The following ADAMTS17 variants were observed in gnomAD, a reference collection of about 807,000 sequenced individuals.
The protein encoded by ADAMTS17 is ADAM metallopeptidase with thrombospondin type 1 motif 17.
Under a neutral mutation model 141.5 loss-of-function variants are expected in ADAMTS17, and 113 were observed. That is an observed-to-expected ratio of 0.80 (90% CI 0.69 to 0.93). ADAMTS17 has a LOEUF of 0.93. Ranked by LOEUF, ADAMTS17 falls within the 40% of genes least tolerant of loss-of-function variation. The pLI is 0.00. For synonymous variants in ADAMTS17, 768 were observed against 630.6 expected, an observed-to-expected ratio of 1.22 and a Z score of -3.27; for missense variants, 1,659 against 1,517.9, an observed-to-expected ratio of 1.09 and a Z score of -1.54.
intron 10 of ADAMTS17, among the ~76,000 whole-genome samples, chr15:100,145,990 C>T (rs1441700443): frequency 1.1e-4 from 16 of 152,126 alleles, no homozygotes; most frequent in African/African-American, 3.9e-4. Flanking sequence ...CTAGCCAACA[C>T]GGTGGAACCC....
At chr15:100,038,396 T>C (rs1393475544) in intron 18 of ADAMTS17, among the ~76,000 whole-genome samples, 1 of 152,244 alleles carries the variant, frequency 6.6e-6, no homozygotes, top group African/African-American at 2.4e-5. Flanking sequence ...TCCCCATTTG[T>C]GGAAGAAAGA....
chr15:100,282,065 A>G (rs2044303738), intron 3 of ADAMTS17, among the ~76,000 whole-genome samples: 2 of 152,142 alleles, frequency 1.3e-5, no homozygotes. Context: ...ATCCCTGTAA[A>G]ATCTTACTTT....
rs954199972 is a variant in ADAMTS17 at position 100,252,574 on chromosome 15, C to T, written c.1075+1562G>A. On this transcript the variant is annotated intron_variant, in intron 7 of 21. Coordinates refer to ENST00000268070, the MANE Select transcript of ADAMTS17 (RefSeq NM_139057.4). ...CGTGAACCCCAGGAAAGAGCAGCCA[C>T]TCCTAGAAACAGCACATGCCTGGCA... Among the ~76,000 whole-genome samples the T allele has an allele frequency of 2.0e-5, 3 of 152,216 alleles. No homozygotes were observed. In the South Asian group the frequency reaches 6.2e-4, roughly 32 times the overall value.
At chr15:100,105,366 A>G (rs530866557) in intron 14 of ADAMTS17, among the ~76,000 whole-genome samples, 1 of 152,350 alleles carries the variant, frequency 6.6e-6, no homozygotes, top group South Asian at 2.1e-4. Context: ...TGTGAGGTGC[A>G]GTGCAGGCAC....
Position 100,195,427 on chromosome 15 carries a change from C to G in ADAMTS17, c.1181+3891G>C, listed in dbSNP as rs969700532. On this transcript the variant is annotated intron_variant, in intron 8 of 21. Coordinates refer to ENST00000268070, the MANE Select transcript of ADAMTS17 (RefSeq NM_139057.4). ...AGAGGCAGGATCTGTGAGAAGGCCC[C>G]GGGCAAGAAGCTTTTAAAATCTCAG... Among the ~76,000 whole-genome samples the G allele has an allele frequency of 7.9e-5, 12 of 152,202 alleles. No individual in the cohort carries two copies. In the East Asian group the frequency reaches 1.2e-3, roughly 15 times the overall value.
chr15:100,191,796 G>C (rs2141593366), intron 8 of ADAMTS17, among the ~76,000 whole-genome samples: 1 of 152,264 alleles, frequency 6.6e-6, no homozygotes, highest in East Asian at 1.9e-4. Flanking sequence ...AAGGGAGAGG[G>C]GAGGAAGCAA....
At chr15:100,050,138 T>G (rs1042237497) in intron 17 of ADAMTS17, among the ~76,000 whole-genome samples, 1 of 152,120 alleles carries the variant, frequency 6.6e-6, no homozygotes, top group Non-Finnish European at 1.5e-5. Context: ...CAGCCTCGCA[T>G]GAGTACAGAA....
intron 7 of ADAMTS17, among the ~76,000 whole-genome samples, chr15:100,248,155 T>G (rs2043043213): frequency 6.6e-6 from 1 of 152,086 alleles, no homozygotes; most frequent in Admixed American, 6.5e-5. Flanking sequence ...CATCTCCACT[T>G]CCTCCTGTAG....
At chr15:100,325,355 T>C (rs2045867130) in intron 3 of ADAMTS17, among the ~76,000 whole-genome samples, 1 of 152,128 alleles carries the variant, frequency 6.6e-6, no homozygotes, top group Non-Finnish European at 1.5e-5. Context: ...GTAACTAAGT[T>C]AAAATAAAGC....
intron 12 of ADAMTS17, among the ~76,000 whole-genome samples, chr15:100,127,035 C>A (rs1269065474): frequency 6.6e-6 from 1 of 152,118 alleles, no homozygotes; most frequent in Non-Finnish European, 1.5e-5. Context: ...CACTAACACC[C>A]AAAGAAAGGA....
At chr15:100,251,758 A>C (rs1008357617) in intron 7 of ADAMTS17, among the ~76,000 whole-genome samples, 2 of 152,348 alleles carry the variant, frequency 1.3e-5, no homozygotes, top group Middle Eastern at 3.4e-3. Context: ...AAAGCTAATT[A>C]AGGTTATGTG....
intron 3 of ADAMTS17, among the ~76,000 whole-genome samples, chr15:100,304,143 T>C (rs1169067069): frequency 6.6e-6 from 1 of 152,186 alleles, no homozygotes; most frequent in Non-Finnish European, 1.5e-5. Context: ...AACCAGGCTA[T>C]ATCATCTCGA....
intron 9 of ADAMTS17, among the ~76,000 whole-genome samples, chr15:100,154,414 C>T (rs1233001848): frequency 6.6e-6 from 1 of 152,202 alleles, no homozygotes; most frequent in Non-Finnish European, 1.5e-5. Context: ...TTTGCCACTA[C>T]ATCCTGAATT....
At chr15:100,118,588 C>T (rs1361271655) in intron 12 of ADAMTS17, among the ~76,000 whole-genome samples, 1 of 152,168 alleles carries the variant, frequency 6.6e-6, no homozygotes, top group Non-Finnish European at 1.5e-5. Flanking sequence ...AGGGAGGCAT[C>T]AGTTCCAGAG....
chr15:100,236,224 G>A (rs2042648507), intron 7 of ADAMTS17, among the ~76,000 whole-genome samples: 1 of 145,946 alleles, frequency 6.9e-6, no homozygotes, highest in Non-Finnish European at 1.5e-5. Context: ...AAGTAATCAT[G>A]AAATGACAGT....
At chr15:100,174,986 G>A (rs932576356) in intron 8 of ADAMTS17, among the ~76,000 whole-genome samples, 1 of 152,146 alleles carries the variant, frequency 6.6e-6, no homozygotes, top group Non-Finnish European at 1.5e-5. Flanking sequence ...ATGCCTCCCA[G>A]AATATGCAGC....
At chr15:100,254,251 T>TGTCTCGGATCAGTGACTTGGCA in intron 6 of ADAMTS17, 72 bp from the exon 7 acceptor site, 2 of 1,342,328 alleles carry the variant, frequency 1.5e-6, no homozygotes, top group Non-Finnish European at 2.1e-6. Context: ...CACTGTGAAT[T>TGTCTCGGATCAGTGACTTGGCA]AACCTCAAGT....
chr15:100,141,562 C>G (rs749297867), intron 10 of ADAMTS17, among the ~76,000 whole-genome samples: 1 of 152,158 alleles, frequency 6.6e-6, no homozygotes, highest in African/African-American at 2.4e-5. Context: ...AAGTCTTCCC[C>G]GGGCCAGCAT....
intron 15 of ADAMTS17, among the ~76,000 whole-genome samples, chr15:100,058,623 TGGGGAA>T (rs1287967576): frequency 2.6e-5 from 4 of 152,192 alleles, no homozygotes; most frequent in African/African-American, 9.6e-5. Context: ...GCGGCTGGCC[TGGGGAA>T]GCCCTGCTTC....
Sources: gnomAD v4.1 joint callset for allele counts (sites outside exome capture counted in the v4.1 genomes callset) on GRCh38, gnomAD v4.1.1 for gene constraint, MANE v1.5 for transcripts, NCBI Gene and HGNC (gene_info 2026-07-23, HGNC 2026-07-21) for gene names.